The following WDR7 variants were observed in gnomAD, a reference collection of about 807,000 sequenced individuals.
The protein encoded by WDR7 is WD repeat domain 7, also known as WD repeat-containing protein 7.
In WDR7, 46 loss-of-function variants were observed where a neutral mutation model predicts 169.4. The observed-to-expected ratio is 0.27, with a 90% CI of 0.21 to 0.35. WDR7 has a LOEUF of 0.35. Among genes scored for constraint, WDR7 ranks in the 10% least tolerant of loss-of-function variants. WDR7 has a pLI of 1.00. For synonymous variants in WDR7, 612 were observed against 666.8 expected, an observed-to-expected ratio of 0.92 and a Z score of 1.27; for missense variants, 1,534 against 1,859.3, an observed-to-expected ratio of 0.83 and a Z score of 3.22.
intron 20 of WDR7, among the ~76,000 whole-genome samples, chr18:56,834,157 A>G (rs781328109): frequency 1.3e-4 from 20 of 152,314 alleles, no homozygotes; most frequent in Non-Finnish European, 2.4e-4. Context: ...CCTTCATAAC[A>G]GCTTGCATCT....
intron 12 of WDR7, among the ~76,000 whole-genome samples, chr18:56,716,316 A>G (rs934993743): frequency 6.6e-6 from 1 of 152,160 alleles, no homozygotes; most frequent in Non-Finnish European, 1.5e-5. Context: ...TTGTAATACT[A>G]TTTCTCCGAA....
intron 26 of WDR7, among the ~76,000 whole-genome samples, chr18:56,964,383 G>C (rs1190912067): frequency 6.6e-6 from 1 of 151,750 alleles, no homozygotes; most frequent in Non-Finnish European, 1.5e-5. Context: ...TGTTTTGTTT[G>C]TTTTTGGGAT....
chr18:56,687,074 A>G (rs1353532117), intron 7 of WDR7, 100 bp downstream of exon 7: 3 of 1,109,560 alleles, frequency 2.7e-6, no homozygotes, highest in East Asian at 2.7e-5. Context: ...GTGCAAGACT[A>G]TTTTCATCAT....
chr18:56,958,107 C>G (rs1217355572), intron 25 of WDR7, among the ~76,000 whole-genome samples: 3 of 152,258 alleles, frequency 2.0e-5, no homozygotes, highest in African/African-American at 7.2e-5. Context: ...TATTTAGAAA[C>G]TCAGGTACTG....
chr18:56,875,602 C>T (rs1026720524), intron 20 of WDR7, among the ~76,000 whole-genome samples: 1 of 152,142 alleles, frequency 6.6e-6, no homozygotes, highest in South Asian at 2.1e-4. Context: ...TATAGAGTTC[C>T]AGCCAACTTA....
At chr18:56,943,982 GTTTTTTT>G (rs397858369) in intron 25 of WDR7, among the ~76,000 whole-genome samples, 2 of 78,758 alleles carry the variant, frequency 2.5e-5, no homozygotes, top group Admixed American at 3.6e-4. Flanking sequence ...TGTTTTGTGG[GTTTTTTT>G]TTTTTTTTTT....
intron 16 of WDR7, among the ~76,000 whole-genome samples, chr18:56,760,120 A>G (rs184477012): frequency 6.6e-6 from 1 of 152,322 alleles, no homozygotes; most frequent in Non-Finnish European, 1.5e-5. Flanking sequence ...AGTTTTGGTT[A>G]GATAACTTTT....
chr18:56,687,337 GC>G (rs1448470293), intron 7 of WDR7, among the ~76,000 whole-genome samples: 6 of 152,114 alleles, frequency 3.9e-5, no homozygotes, highest in Non-Finnish European at 5.9e-5. Flanking sequence ...ATTTTCCCTG[GC>G]TTCTTGCAGT....
intron 25 of WDR7, among the ~76,000 whole-genome samples, chr18:56,950,837 T>C (rs2047170749): frequency 6.6e-6 from 1 of 152,220 alleles, no homozygotes; most frequent in Admixed American, 6.5e-5. Context: ...GGGCATTTGA[T>C]GTTAAATCAC....
intron 26 of WDR7, chr18:57,009,858 G>C: frequency 2.0e-6 from 2 of 985,386 alleles, no homozygotes; most frequent in Non-Finnish European, 2.4e-6. Context: ...AGGCAAAGGA[G>C]AGGTGACAAA....
intron 26 of WDR7, among the ~76,000 whole-genome samples, chr18:56,985,052 TA>T (rs1294395019): frequency 6.6e-6 from 1 of 152,196 alleles, no homozygotes; most frequent in Non-Finnish European, 1.5e-5. Flanking sequence ...TAAAACATAC[TA>T]TCTTATTGCT....
chr18:56,920,602 T>G (rs1267041420), intron 21 of WDR7, among the ~76,000 whole-genome samples: 1 of 152,220 alleles, frequency 6.6e-6, no homozygotes, highest in East Asian at 1.9e-4. Context: ...GGAGAACCTT[T>G]AAGAAGGGAT....
intron 26 of WDR7, among the ~76,000 whole-genome samples, chr18:56,963,651 T>A (rs1488666830): frequency 1.3e-5 from 2 of 152,198 alleles, no homozygotes; most frequent in African/African-American, 4.8e-5. Context: ...AAATATGCAC[T>A]ATTTGCCATA....
chr18:57,004,365 G>A (rs1372775048), intron 26 of WDR7, among the ~76,000 whole-genome samples: 1 of 152,046 alleles, frequency 6.6e-6, no homozygotes, highest in Admixed American at 6.6e-5. Flanking sequence ...CTTGGGGCTG[G>A]CTTGGACCTT....
downstream of WDR7, chr18:57,033,865 G>A (rs2048454791): frequency 6.6e-6 from 1 of 151,896 alleles, no homozygotes; most frequent in Admixed American, 6.6e-5. Context: ...ACCCAGCCCC[G>A]GCTGAGGTGT....
intron 20 of WDR7, among the ~76,000 whole-genome samples, chr18:56,859,016 A>T (rs1242242684): frequency 6.6e-6 from 1 of 152,128 alleles, no homozygotes; most frequent in African/African-American, 2.4e-5. Context: ...GGTGGTCAGG[A>T]TAGGATTCAA....
At chr18:56,656,583 A>ATT (rs10648827) in intron 1 of WDR7, among the ~76,000 whole-genome samples, 13,315 of 146,108 alleles carry the variant, frequency 0.091, 1,773 homozygotes, top group African/African-American at 0.3. Context: ...CCCGGCCACT[A>ATT]TTTTTTTTTT....
Position 56,846,535 on chromosome 18 carries a change from T to C in WDR7, c.3304+30391T>C, listed in dbSNP as rs549656707. On this transcript the variant is annotated intron_variant, in intron 20 of 27. Coordinates refer to ENST00000254442, the MANE Select transcript of WDR7 (RefSeq NM_015285.3). ...CATGATTCTGAGGCCTCCCCAGCCA[T>C]GTGGAACTATAAGTCCAATTGAACC... Among the ~76,000 whole-genome samples, 8 of 152,276 alleles carry C rather than the reference T, an allele frequency of 5.3e-5. 1 individual carries two copies. In the East Asian group the frequency reaches 1.5e-3, roughly 29 times the overall value.
intron 15 of WDR7, among the ~76,000 whole-genome samples, chr18:56,757,879 G>A (rs1448905746): frequency 6.6e-6 from 1 of 151,920 alleles, no homozygotes; most frequent in African/African-American, 2.4e-5. Flanking sequence ...TGAGGTGGGA[G>A]GGTCGCTTGA....
Sources: gnomAD v4.1 joint callset for allele counts (sites outside exome capture counted in the v4.1 genomes callset) on GRCh38, gnomAD v4.1.1 for gene constraint, MANE v1.5 for transcripts, NCBI Gene and HGNC (gene_info 2026-07-23, HGNC 2026-07-21) for gene names.